Variants in CCDC154 observed in about 807,000 individuals in gnomAD.
CCDC154 encodes the protein coiled-coil domain containing 154.
Under a neutral mutation model 87.5 loss-of-function variants are expected in CCDC154, and 91 were observed. The ratio of observed to expected loss-of-function variants is 1.04; its 90% CI spans 0.88 to 1.24. CCDC154 has a LOEUF of 1.24. Among genes scored for constraint, CCDC154 ranks in the 50% most tolerant of loss-of-function variants. The probability of loss-of-function intolerance (pLI) is 0.00; values close to 1 mark genes in which losing one functional copy is unlikely to be tolerated. For missense variants in CCDC154, 903 were observed against 879.2 expected (o/e 1.03, Z -0.34); for synonymous variants, 418 against 400.4 (o/e 1.04, Z -0.52).
intron 11 of CCDC154, 29 bp from the exon 12 acceptor site, chr16:1,436,840 A>T: frequency 6.5e-7 from 1 of 1,549,630 alleles, no homozygotes; most frequent in Non-Finnish European, 8.7e-7. Flanking sequence ...GTGAGGGACA[A>T]AGCCAAGAGA....
chr16:1,443,311 G>A lies in CCDC154; in HGVS notation c.415-10C>T. ...TCTGGAGACCAGAGAACTGCGAGGAGGAAGAGGAGGCTGTGGGCTGGACCT... is the reference window on the plus strand; with the variant it reads ...TCTGGAGACCAGAGAACTGCGAGGAAGAAGAGGAGGCTGTGGGCTGGACCT... On this transcript the variant is annotated splice_polypyrimidine_tract_variant and intron_variant, in intron 3 of 16. Transcript: ENST00000389176. 2 of 1,547,900 alleles carry A rather than the reference G, an allele frequency of 1.3e-6. No homozygotes were observed. Among genetic ancestry groups the A allele is most frequent in the Non-Finnish European group, 1.7e-6 (2 of 1,146,156 alleles).
chr16:1,444,027 C>G lies in CCDC154; in HGVS notation c.8-15G>C, dbSNP rs759096285. 2.2e-5 allele frequency: 29 copies of G among 1,295,420 alleles called. No homozygotes were observed. The South Asian group carries it at 3.5e-4, about 15-fold the overall frequency. The allele number at this position is 1,295,420 out of a possible 1,614,324, so 80.2% of individuals were successfully genotyped here. A position where few individuals can be genotyped will look rare whatever the true frequency, so the allele number is the denominator to read the frequency against. ...GTCAGCCAACTCTACAAGGAGGCAT[C>G]TTGGGAGCTTGCCCCTTGGGGCCCG... On this transcript the variant is annotated splice_polypyrimidine_tract_variant and intron_variant, in intron 1 of 16. Transcript: ENST00000389176.
chr16:1,437,481 C>G (rs890457905), intron 11 of CCDC154: 1 of 306,200 alleles, frequency 3.3e-6, no homozygotes, highest in African/African-American at 2.2e-5. Context: ...GAATCCATCT[C>G]AACAGAGCTG....
intron 7 of CCDC154, 21 bp downstream of exon 7, chr16:1,439,004 C>T (rs1332857022): frequency 1.3e-6 from 2 of 1,550,080 alleles, no homozygotes; most frequent in East Asian, 4.9e-5. Context: ...CAGGGCAGGC[C>T]AGCCGCGGGC....
Position 1,443,991 on chromosome 16 carries a change from G to A in CCDC154, c.29C>T (p.Ser10Leu). Reference sequence around the variant, plus strand: ...CAGCTGGGAAGGGGCCGATGCCCCTGAGGGTCCACTGTCAGCCAACTCTAC... The same window carrying A: ...CAGCTGGGAAGGGGCCGATGCCCCTAAGGGTCCACTGTCAGCCAACTCTAC... MSELADSGP[S>L]GASAPSQLRA... The change falls in exon 2 of 17, where the codon TCA becomes TTA. Residue 10 changes from serine (S) to leucine (L), a missense_variant. Coordinates refer to ENST00000389176, the MANE Select transcript of CCDC154 (RefSeq NM_001143980.3). 2 of 1,301,180 alleles carry A rather than the reference G, an allele frequency of 1.5e-6. No individual in the cohort carries two copies. The highest frequency in any genetic ancestry group is 1.0e-6 in the Non-Finnish European group (1 of 988,912). The allele number at this position is 1,301,180 out of a possible 1,614,324, so 80.6% of individuals were successfully genotyped here.
In CCDC154 at chr16:1,434,868, G is replaced by A. The variant is rs889482513; in HGVS notation, c.1693-16C>T. On this transcript the variant is annotated splice_polypyrimidine_tract_variant and intron_variant, in intron 15 of 16. Transcript: ENST00000389176. Reference sequence around the variant, plus strand: ...CCTGCGTGCGCTGTGGGACGGGGATGCTGGTGTCACCCAGGAGCCAGACCT... The same window carrying A: ...CCTGCGTGCGCTGTGGGACGGGGATACTGGTGTCACCCAGGAGCCAGACCT... The A allele has an allele frequency of 3.4e-6, 5 of 1,483,792 alleles. No homozygotes were observed. The East Asian group carries it at 1.2e-4, about 37-fold the overall frequency. The allele number at this position is 1,483,792 out of a possible 1,614,324, so 91.9% of individuals were successfully genotyped here. A position where few individuals can be genotyped will look rare whatever the true frequency, so the allele number is the denominator to read the frequency against.
intron 2 of CCDC154, 43 bp downstream of exon 2, chr16:1,443,753 G>A (rs1029674105): frequency 5.1e-5 from 67 of 1,304,650 alleles, no homozygotes; most frequent in Non-Finnish European, 6.4e-5. Context: ...CGGAGGCGGC[G>A]GCGACGTGGT....
In CCDC154 at chr16:1,444,298, C is replaced by T. The variant is rs1389662695; in HGVS notation, c.7+18G>A. ...GTGGCAAGCCCCTCCCTGGGCCCCGCTCCTCCGCTCTGGTCACCTGACATG... is the reference window on the plus strand; with the variant it reads ...GTGGCAAGCCCCTCCCTGGGCCCCGTTCCTCCGCTCTGGTCACCTGACATG... On this transcript the variant is annotated intron_variant, in intron 1 of 16. Coordinates refer to ENST00000389176, the MANE Select transcript of CCDC154 (RefSeq NM_001143980.3). The T allele has an allele frequency of 3.1e-6, 4 of 1,302,162 alleles. No individual in the cohort carries two copies. Among genetic ancestry groups the T allele is most frequent in the Non-Finnish European group, 4.0e-6 (4 of 988,814 alleles). The allele number at this position is 1,302,162 out of a possible 1,614,324, so 80.7% of individuals were successfully genotyped here.
Position 1,444,495 on chromosome 16 carries a change from G to T in CCDC154, c.-173C>A, listed in dbSNP as rs1163078953. Reference sequence around the variant, plus strand: ...GCCCTCGTCTGGCTGCCTTCTCAGGGTCCCCAGGGAGGCAGGTGTGGGGCA... The same window carrying T: ...GCCCTCGTCTGGCTGCCTTCTCAGGTTCCCCAGGGAGGCAGGTGTGGGGCA... On this transcript the variant is annotated 5_prime_UTR_variant, in exon 1 of 17. Transcript: ENST00000389176. 2 of 565,096 alleles carry T rather than the reference G, an allele frequency of 3.5e-6. No homozygotes were observed. Among genetic ancestry groups the T allele is most frequent in the Non-Finnish European group, 2.7e-6 (1 of 374,260 alleles). The allele number at this position is 565,096 out of a possible 1,614,324, so 35.0% of individuals were successfully genotyped here.
intron 11 of CCDC154, chr16:1,437,497 C>G: frequency 2.9e-6 from 1 of 349,678 alleles, no homozygotes; most frequent in Non-Finnish European, 5.2e-6. Flanking sequence ...AGCTGTTACA[C>G]AGTGAACAAG....
Position 1,436,441 on chromosome 16 carries a change from G to A in CCDC154, c.1487+4C>T, listed in dbSNP as rs545124415. The A allele has an allele frequency of 2.6e-6, 4 of 1,547,448 alleles. No homozygotes were observed. The highest frequency in any genetic ancestry group is 1.2e-5 in the South Asian group (1 of 84,054). Reference sequence around the variant, plus strand: ...GCCCCTCTCCCAGGGCCTGGAGGCTGTACCTGGCCTTGCCTTCGGCGGAAA... The same window carrying A: ...GCCCCTCTCCCAGGGCCTGGAGGCTATACCTGGCCTTGCCTTCGGCGGAAA... On this transcript the variant is annotated splice_donor_region_variant and intron_variant, in intron 13 of 16. Transcript: ENST00000389176.
rs1422283681 is a variant in CCDC154 at position 1,436,500 on chromosome 16, A to G, written c.1432T>C (p.Cys478Arg). ...TCTGAGTCGCTCTTATGAAGCAGGC[A>G]CTTGTCGGAGACACTCTCTATCTGA... ...PQQIESVSDK[C>R]LLHKSDSDLR... Residue 478 changes from cysteine to arginine, a missense_variant, in exon 13 of 17, where the codon TGC becomes CGC. By Grantham distance (180) the Cys-to-Arg change is radical (BLOSUM62 -3). Coordinates refer to ENST00000389176, the MANE Select transcript of CCDC154 (RefSeq NM_001143980.3). The G allele has an allele frequency of 1.9e-5, 29 of 1,548,948 alleles. No homozygotes were observed. Among genetic ancestry groups the G allele is most frequent in the Non-Finnish European group, 2.3e-5 (26 of 1,146,940 alleles).
chr16:1,440,554 G>T (rs745719398), intron 6 of CCDC154, among the ~76,000 whole-genome samples: 1 of 151,700 alleles, frequency 6.6e-6, no homozygotes, highest in Non-Finnish European at 1.5e-5. Flanking sequence ...GAAAAGAAAA[G>T]AAAACTTTTT....
Position 1,434,548 on chromosome 16 carries a change from CG to C in CCDC154, c.1878-15del, listed in dbSNP as rs1567256216. On this transcript the variant is annotated splice_polypyrimidine_tract_variant and intron_variant, in intron 16 of 16. Transcript: ENST00000389176. Reference sequence around the variant, plus strand: ...CAGCGCAGCCACCTGTCCAGAGATGCGGCACATGGCCCCTGCACCCCCGCCC... The same window carrying C: ...CAGCGCAGCCACCTGTCCAGAGATGCGCACATGGCCCCTGCACCCCCGCCC... 1.9e-6 allele frequency: 3 copies of C among 1,538,736 alleles called. No individual in the cohort carries two copies. The South Asian group carries it at 3.6e-5, about 18-fold the overall frequency.
At chr16:1,436,117 C>T (rs1469599002) in intron 13 of CCDC154, 31 bp from the exon 14 acceptor site, 38 of 1,523,978 alleles carry the variant, frequency 2.5e-5, no homozygotes, top group South Asian at 8.4e-5. Flanking sequence ...GGCTGGCTGT[C>T]GGGTGTGCTC....
rs771149443 is a variant in CCDC154, at chr16:1,434,456, G to A, written c.1956C>T (p.Ser652=). 7.1e-6 allele frequency: 11 copies of A among 1,550,296 alleles called. No individual in the cohort carries two copies. The South Asian group carries it at 1.1e-4, about 15-fold the overall frequency. ...GTGTGAGCTGCTGCACCTGCTCCTG[G>A]CTGTGGGGCTTCTCCAGGACCCCTC... ...RPGGVLEKPH[S]QEQVQQLTPS... The change falls in exon 17 of 17, where the codon AGC becomes AGT. Residue 652 remains serine, a synonymous_variant. Coordinates refer to ENST00000389176, the MANE Select transcript of CCDC154 (RefSeq NM_001143980.3).
rs1237749557 is a variant in CCDC154, at chr16:1,444,499, C to T, written c.-177G>A. 3 of 533,184 alleles carry T rather than the reference C, an allele frequency of 5.6e-6. No homozygotes were observed. The highest frequency in any genetic ancestry group is 2.0e-5 in the African/African-American group (1 of 49,774). 33.0% of individuals were successfully genotyped at this position (533,184 alleles called of 1,614,324 possible). A position where few individuals can be genotyped will look rare whatever the true frequency, so the allele number is the denominator to read the frequency against. On this transcript the variant is annotated 5_prime_UTR_variant, in exon 1 of 17. Coordinates refer to ENST00000389176, the MANE Select transcript of CCDC154 (RefSeq NM_001143980.3). ...TCGTCTGGCTGCCTTCTCAGGGTCC[C>T]CAGGGAGGCAGGTGTGGGGCAGCGG...
rs780846385 is a variant in CCDC154 at position 1,434,517 on chromosome 16, G to A, written c.1895C>T (p.Ala632Val). Residue 632 changes from alanine (A) to valine (V), a missense_variant, in exon 17 of 17, where the codon GCG (alanine) becomes GTG (valine). Physicochemically the swap from Ala to Val is moderately conservative, Grantham distance 64. Transcript: ENST00000389176. Reference sequence around the variant, plus strand: ...CAGGGCCCTGAGCTTTATGAGGGACGCCTTCCAGCGCAGCCACCTGTCCAG... The same window carrying A: ...CAGGGCCCTGAGCTTTATGAGGGACACCTTCCAGCGCAGCCACCTGTCCAG... ...YQAVRWLRWK[A>V]SLIKLRALRR... 18 of 1,547,284 alleles carry A rather than the reference G, an allele frequency of 1.2e-5. No individual in the cohort carries two copies. Among genetic ancestry groups the A allele is most frequent in the East Asian group, 2.4e-5 (1 of 40,894 alleles).
chr16:1,440,597 A>T (rs1402782276), intron 6 of CCDC154, among the ~76,000 whole-genome samples: 1 of 151,786 alleles, frequency 6.6e-6, no homozygotes, highest in African/African-American at 2.4e-5. Context: ...ACTTGAGCCC[A>T]GGAGTTTGAG....
Sources: gnomAD v4.1 joint callset for allele counts (sites outside exome capture counted in the v4.1 genomes callset) on GRCh38, gnomAD v4.1.1 for gene constraint, MANE v1.5 for transcripts, NCBI Gene and HGNC (gene_info 2026-07-23, HGNC 2026-07-21) for gene names.